Variants in SLC25A21 observed in about 807,000 individuals in gnomAD.
SLC25A21 encodes solute carrier family 25 member 21.
Under a neutral mutation model 43.8 loss-of-function variants are expected in SLC25A21, and 47 were observed. The observed-to-expected ratio is 1.07, with a 90% CI of 0.85 to 1.37. The LOEUF (loss-of-function observed/expected upper bound fraction) is 1.37, where lower values mean the gene tolerates loss of function less well. Ranked by LOEUF, SLC25A21 falls within the 40% of genes most tolerant of loss-of-function variation. The pLI, the probability that SLC25A21 is intolerant of heterozygous loss-of-function variation, is 0.00. For missense variants in SLC25A21, 352 were observed against 350.2 expected, an observed-to-expected ratio of 1.00 and a Z score of -0.04; for synonymous variants, 131 against 121.3, an observed-to-expected ratio of 1.08 and a Z score of -0.52.
chr14:36,942,129 C>T (rs1050037933), intron 1 of SLC25A21, among the ~76,000 whole-genome samples: 1 of 151,910 alleles, frequency 6.6e-6, no homozygotes, highest in Non-Finnish European at 1.5e-5. Flanking sequence ...TTACAATTAA[C>T]ACCGAGCTTA....
At chr14:36,772,660 A>G (rs1886664816) in intron 3 of SLC25A21, among the ~76,000 whole-genome samples, 1 of 152,200 alleles carries the variant, frequency 6.6e-6, no homozygotes, top group African/African-American at 2.4e-5. Context: ...TTCAAAGTAC[A>G]TATGATTCGA....
At chr14:37,172,134 T>C (rs921371873) in intron 1 of SLC25A21, 147 bp downstream of exon 1, 1 of 832,386 alleles carries the variant, frequency 1.2e-6, no homozygotes, top group African/African-American at 1.7e-5. Flanking sequence ...CTCTCGCGCC[T>C]CTAGGGGCTC....
At chr14:36,763,549 G>A (rs1289110054) in intron 3 of SLC25A21, among the ~76,000 whole-genome samples, 3 of 152,134 alleles carry the variant, frequency 2.0e-5, no homozygotes, top group East Asian at 3.9e-4. Flanking sequence ...GTTTGTGCTG[G>A]GTAAGAAATG....
intron 1 of SLC25A21, among the ~76,000 whole-genome samples, chr14:37,007,021 A>C (rs1371508977): frequency 6.6e-6 from 1 of 152,244 alleles, no homozygotes; most frequent in African/African-American, 2.4e-5. Context: ...ATTAATGTTA[A>C]GACATTTTAT....
In SLC25A21 at chr14:36,965,429, G is replaced by A. The variant is rs116594367; in HGVS notation, c.71-90425C>T. 1.7e-3 allele frequency among the ~76,000 whole-genome samples: 266 copies of A among 152,114 alleles called. 1 individual carries two copies. Among genetic ancestry groups the A allele is most frequent in the African/African-American group, 6.3e-3 (263 of 41,520 alleles). ...TGATTCAGATTTTTATTACTTTAAA[G>A]AATTTTCAAAAGAAACTTAAATTTC... is the stretch of plus-strand genomic sequence containing the variant. On this transcript the variant is annotated intron_variant, in intron 1 of 9. Transcript: ENST00000331299.
intron 1 of SLC25A21, among the ~76,000 whole-genome samples, chr14:37,055,420 A>G (rs1961800174): frequency 1.3e-5 from 2 of 152,172 alleles, no homozygotes; most frequent in Admixed American, 1.3e-4. Context: ...CCACTCATGG[A>G]AAGGTGGAAT....
rs575704854 is a variant in SLC25A21, at chr14:36,771,496, G to A, written c.204-36923C>T. 4.6e-5 allele frequency among the ~76,000 whole-genome samples: 7 copies of A among 152,092 alleles called. No homozygotes were observed. In the South Asian group the frequency reaches 1.0e-3, roughly 23 times the overall value. ...ATAGCTTGAGTGGCAATGAAATACA[G>A]TGCCACGGAAGAGATGGGTTCATGG... On this transcript the variant is annotated intron_variant, in intron 3 of 9. Transcript: ENST00000331299.
intron 3 of SLC25A21, among the ~76,000 whole-genome samples, chr14:36,792,229 T>C (rs1280899184): frequency 6.6e-6 from 1 of 152,098 alleles, no homozygotes; most frequent in Non-Finnish European, 1.5e-5. Flanking sequence ...AAGGAGAGAA[T>C]AGGGCAATAT....
At position 37,031,077 on chromosome 14, in the gene SLC25A21, CAG is replaced by C. The variant is rs1309453730; in HGVS notation, c.70+141202_70+141203del. ...CCTCATTTTCCTCAGGACTCTAAAACAGAGCAATTTCCAACAACCTACAGCCT... is the reference window on the plus strand; with the variant it reads ...CCTCATTTTCCTCAGGACTCTAAAACAGCAATTTCCAACAACCTACAGCCT... On this transcript the variant is annotated intron_variant, in intron 1 of 9. Transcript: ENST00000331299. Among the ~76,000 whole-genome samples the C allele has an allele frequency of 2.6e-5, 4 of 152,332 alleles. No homozygotes were observed. In the East Asian group the frequency reaches 7.7e-4, roughly 29 times the overall value.
intron 7 of SLC25A21, among the ~76,000 whole-genome samples, chr14:36,706,840 T>C (rs1055088699): frequency 6.6e-6 from 1 of 152,070 alleles, no homozygotes; most frequent in Non-Finnish European, 1.5e-5. Context: ...GTCATTTCCA[T>C]GCACACATTC....
At chr14:36,722,706 T>C (rs1281645737) in intron 6 of SLC25A21, among the ~76,000 whole-genome samples, 1 of 152,252 alleles carries the variant, frequency 6.6e-6, no homozygotes, top group Non-Finnish European at 1.5e-5. Flanking sequence ...GTGGCTCACA[T>C]ATTTCTATTA....
intron 1 of SLC25A21, among the ~76,000 whole-genome samples, chr14:37,079,485 A>T (rs934450835): frequency 1.3e-5 from 2 of 152,118 alleles, no homozygotes; most frequent in Non-Finnish European, 2.9e-5. Context: ...TTATCACTTT[A>T]ACCTTGCTCC....
intron 1 of SLC25A21, among the ~76,000 whole-genome samples, chr14:37,075,673 C>A (rs1336780063): frequency 6.6e-6 from 1 of 152,012 alleles, no homozygotes. Context: ...AGAAGACATC[C>A]CAGTTTATCT....
chr14:36,697,738 CTT>C (rs757711209), intron 7 of SLC25A21, among the ~76,000 whole-genome samples: 4 of 111,634 alleles, frequency 3.6e-5, no homozygotes, highest in Admixed American at 9.4e-5. Context: ...GCAAGCCCTA[CTT>C]TTTTTTTTTG....
intron 1 of SLC25A21, among the ~76,000 whole-genome samples, chr14:37,161,478 T>C (rs897982410): frequency 6.6e-6 from 1 of 152,122 alleles, no homozygotes; most frequent in Admixed American, 6.5e-5. Context: ...ATAGAATGTC[T>C]GTTGTGGGTT....
At chr14:36,996,607 C>T (rs1253757403) in intron 1 of SLC25A21, among the ~76,000 whole-genome samples, 2 of 152,088 alleles carry the variant, frequency 1.3e-5, no homozygotes, top group Admixed American at 1.3e-4. Context: ...TATCTCCTCT[C>T]CTAAAGTTTT....
chr14:37,115,765 A>G (rs1963095381), intron 1 of SLC25A21, among the ~76,000 whole-genome samples: 5 of 152,188 alleles, frequency 3.3e-5, no homozygotes, highest in Admixed American at 3.3e-4. Context: ...TGACCAAAAC[A>G]TCAACTTCAA....
chr14:37,126,650 C>T (rs1306351899), intron 1 of SLC25A21, among the ~76,000 whole-genome samples: 1 of 151,978 alleles, frequency 6.6e-6, no homozygotes, highest in Admixed American at 6.6e-5. Flanking sequence ...CATTGATTTC[C>T]ACAAGTTACT....
intron 1 of SLC25A21, among the ~76,000 whole-genome samples, chr14:36,976,799 G>A (rs1594731667): frequency 6.6e-6 from 1 of 152,138 alleles, no homozygotes; most frequent in South Asian, 2.1e-4. Context: ...CTTGCTTTGC[G>A]GCCACAACTG....
Sources: gnomAD v4.1 joint callset for allele counts (sites outside exome capture counted in the v4.1 genomes callset) on GRCh38, gnomAD v4.1.1 for gene constraint, MANE v1.5 for transcripts, NCBI Gene and HGNC (gene_info 2026-07-23, HGNC 2026-07-21) for gene names.